Variants in SLC9C1 observed in about 807,000 individuals in gnomAD.
SLC9C1 encodes solute carrier family 9 member C1, also known as sodium/hydrogen exchanger 10.
A neutral mutation model predicts 140.9 loss-of-function variants in SLC9C1; 97 were observed. The ratio of observed to expected loss-of-function variants is 0.69; its 90% CI spans 0.58 to 0.82. The LOEUF (loss-of-function observed/expected upper bound fraction) is 0.82, where lower values mean the gene tolerates loss of function less well. Ranked by LOEUF, SLC9C1 falls within the 40% of genes least tolerant of loss-of-function variation. The probability of loss-of-function intolerance (pLI) is 0.00; values close to 1 mark genes in which losing one functional copy is unlikely to be tolerated. For missense variants in SLC9C1, 1,340 were observed against 1,389.3 expected (o/e 0.96, Z 0.56); for synonymous variants, 440 against 442.6 (o/e 0.99, Z 0.07).
rs2080254282 is a variant in SLC9C1, at chr3:112,277,741, A to G, written c.438T>C (p.Leu146=). ...CGGTTAGCATGGGATCTGAACTCAC[A>G]AGGATAGCTGAAAATAATAACCATT... ...PTQWLLFSAI[L]VSSDPMLTAA... is the part of the protein sequence containing the mutation. Residue 146 remains leucine (L), a synonymous_variant, in exon 5 of 29, where the codon CTT becomes CTC. Coordinates refer to ENST00000305815, the MANE Select transcript of SLC9C1 (RefSeq NM_183061.3). 1 of 1,611,108 alleles carries G rather than the reference A, an allele frequency of 6.2e-7. No homozygotes were observed. The highest frequency in any genetic ancestry group is 1.7e-5 in the Admixed American group (1 of 59,656).
chr3:112,277,885 A>C, intron 4 of SLC9C1, 25 bp from the exon 5 acceptor site: 1 of 1,560,446 alleles, frequency 6.4e-7, no homozygotes, highest in East Asian at 2.3e-5. Context: ...TACAATTAGA[A>C]AAATCAGACT....
Position 112,216,223 on chromosome 3 carries a change from T to G in SLC9C1, c.1790+1219A>C, listed in dbSNP as rs146633467. On this transcript the variant is annotated intron_variant, in intron 15 of 28. Coordinates refer to ENST00000305815, the MANE Select transcript of SLC9C1 (RefSeq NM_183061.3). The stretch of plus-strand genomic sequence containing the variant: ...AATCAATTCAAGATGGATTAAAGAC[T>G]TAAATGTTAGACCTAAAACCATAAA... Among the ~76,000 whole-genome samples, 1,165 of 152,310 alleles carry G rather than the reference T, an allele frequency of 7.6e-3. 8 individuals carry two copies. Among genetic ancestry groups the G allele is most frequent in the Middle Eastern group, 0.051 (15 of 294 alleles).
At position 112,277,787 on chromosome 3, in the gene SLC9C1, T is replaced by G. The variant is rs780490122; in HGVS notation, c.392A>C (p.Gln131Pro). The change falls in exon 5 of 29, where the codon CAA (glutamine) becomes CCA (proline). Residue 131 changes from glutamine (Q) to proline (P), a missense_variant. Physicochemically the swap from Gln to Pro is moderately conservative, Grantham distance 76 (BLOSUM62 -1). Coordinates refer to ENST00000305815, the MANE Select transcript of SLC9C1 (RefSeq NM_183061.3). ...LVLWHLASVN[Q>P]LLLKPTQWLL... Reference sequence around the variant, plus strand: ...CCATTGGGTAGGCTTCAAAAGTAATTGATTTACAGATGCCAGATGCCAAAG... The same window carrying G: ...CCATTGGGTAGGCTTCAAAAGTAATGGATTTACAGATGCCAGATGCCAAAG... 1 of 1,612,600 alleles carries G rather than the reference T, an allele frequency of 6.2e-7. No individual in the cohort carries two copies. The highest frequency in any genetic ancestry group is 8.5e-7 in the Non-Finnish European group (1 of 1,179,198).
chr3:112,191,134 A>T (rs1260479551), intron 20 of SLC9C1, among the ~76,000 whole-genome samples: 1 of 152,136 alleles, frequency 6.6e-6, no homozygotes, highest in Non-Finnish European at 1.5e-5. Context: ...TCTATATGAG[A>T]TCATGTCATC....
At chr3:112,266,203 G>T in intron 8 of SLC9C1, 35 bp downstream of exon 8, 1 of 1,383,046 alleles carries the variant, frequency 7.2e-7, no homozygotes, top group Non-Finnish European at 1.0e-6. Flanking sequence ...AGCTTCCAGT[G>T]TATGAAATAA....
intron 19 of SLC9C1, among the ~76,000 whole-genome samples, chr3:112,199,915 T>C (rs1041302399): frequency 6.6e-6 from 1 of 152,060 alleles, no homozygotes; most frequent in Non-Finnish European, 1.5e-5. Context: ...AACCTGCCAG[T>C]GCATCTAGAT....
chr3:112,209,393 C>G (rs751550487), intron 15 of SLC9C1, among the ~76,000 whole-genome samples: 4 of 152,114 alleles, frequency 2.6e-5, no homozygotes, highest in Non-Finnish European at 5.9e-5. Flanking sequence ...CTTCCAGCAG[C>G]AAAACCATGT....
At chr3:112,198,938 T>C (rs1410417576) in intron 20 of SLC9C1, among the ~76,000 whole-genome samples, 1 of 151,888 alleles carries the variant, frequency 6.6e-6, no homozygotes, top group Non-Finnish European at 1.5e-5. Flanking sequence ...AAAGGAAATA[T>C]AGTCAACACT....
rs138753679 is a variant in SLC9C1, at chr3:112,204,975, T to C, written c.1987-572A>G. Among the ~76,000 whole-genome samples, 42 of 152,216 alleles carry C rather than the reference T, an allele frequency of 2.8e-4. 1 individual carries two copies. The East Asian group carries it at 7.9e-3, about 29-fold the overall frequency. On this transcript the variant is annotated intron_variant, in intron 16 of 28. Coordinates refer to ENST00000305815, the MANE Select transcript of SLC9C1 (RefSeq NM_183061.3). ...CATTCTGGGATAACGCAGAATAAGT[T>C]ATTTTTAATTTCTCAAAAAAATTCG...
intron 1 of SLC9C1, among the ~76,000 whole-genome samples, chr3:112,292,988 ACTGAGCACAGTGG>A (rs111340221): frequency 0.29 from 43,076 of 150,650 alleles, 6,403 homozygotes; most frequent in East Asian, 0.43. Context: ...AAGTTAGTTG[ACTGAGCACAGTGG>A]CTCACGCCTG....
Position 112,221,131 on chromosome 3 carries a change from C to T in SLC9C1, c.1667G>A (p.Gly556Glu), listed in dbSNP as rs539696882. ...CATCTCTTGAGAATATACTTACTTT[C>T]CCTTCTTCTCACCAAAACTTTCTGC... ...GAAESFGEKK[G>E]KCMSLDTIKN... Residue 556 changes from glycine (G) to glutamate (E), a missense_variant, in exon 14 of 29, where the codon GGA becomes GAA. Gly to Glu is a moderately conservative substitution (Grantham distance 98). Transcript: ENST00000305815. 3.7e-6 allele frequency: 6 copies of T among 1,612,404 alleles called. No individual in the cohort carries two copies. In the African/African-American group the frequency reaches 8.0e-5, roughly 22 times the overall value.
chr3:112,222,543 T>C (rs549703286), intron 13 of SLC9C1, among the ~76,000 whole-genome samples: 2 of 152,172 alleles, frequency 1.3e-5, no homozygotes, highest in South Asian at 2.1e-4. Context: ...GCAGAAAACA[T>C]AGAATATCAC....
At chr3:112,193,584 A>G (rs921443060) in intron 20 of SLC9C1, among the ~76,000 whole-genome samples, 2 of 151,980 alleles carry the variant, frequency 1.3e-5, no homozygotes, top group South Asian at 2.1e-4. Flanking sequence ...GGGGTAGCCC[A>G]TGGGGTTGTG....
At chr3:112,206,591 C>T (rs926322388) in intron 16 of SLC9C1, among the ~76,000 whole-genome samples, 2 of 152,108 alleles carry the variant, frequency 1.3e-5, no homozygotes, top group Non-Finnish European at 2.9e-5. Flanking sequence ...TTGGAACCAA[C>T]CCAAATGTCC....
rs772568670 is a variant in SLC9C1, at chr3:112,151,974, A to G, written c.3418-11T>C. 6.4e-7 allele frequency: 1 copy of G among 1,571,008 alleles called. No homozygotes were observed. Among genetic ancestry groups the G allele is most frequent in the African/African-American group, 1.4e-5 (1 of 71,900 alleles). ...ACTGTGTGCTCCATCCTGGGATTCA[A>G]AACACTTTGTTACTTGATGTCATGA... is the stretch of plus-strand genomic sequence containing the variant. On this transcript the variant is annotated splice_polypyrimidine_tract_variant and intron_variant, in intron 27 of 28. Transcript: ENST00000305815.
intron 1 of SLC9C1, among the ~76,000 whole-genome samples, chr3:112,287,998 G>C (rs1302332003): frequency 3.7e-5 from 5 of 136,756 alleles, no homozygotes; most frequent in South Asian, 2.4e-4. Context: ...AGCCGAGATC[G>C]TGCCACTGCA....
At chr3:112,188,290 G>A (rs2077578314) in intron 20 of SLC9C1, among the ~76,000 whole-genome samples, 2 of 151,996 alleles carry the variant, frequency 1.3e-5, no homozygotes, top group Non-Finnish European at 2.9e-5. Flanking sequence ...CAACGTGCAG[G>A]TTTGTTACAT....
chr3:112,262,786 C>T, intron 10 of SLC9C1, 138 bp downstream of exon 10: 1 of 668,904 alleles, frequency 1.5e-6, no homozygotes, highest in South Asian at 5.5e-5. Flanking sequence ...TCCTCCTCTC[C>T]CCGATCTTGC....
chr3:112,236,571 T>C (rs1237629889), intron 12 of SLC9C1, among the ~76,000 whole-genome samples: 2 of 142,048 alleles, frequency 1.4e-5, no homozygotes, highest in African/African-American at 5.3e-5. Context: ...AGGGTGTCAA[T>C]TTTAGATCTT....
Sources: gnomAD v4.1 joint callset for allele counts (sites outside exome capture counted in the v4.1 genomes callset) on GRCh38, gnomAD v4.1.1 for gene constraint, MANE v1.5 for transcripts, NCBI Gene and HGNC (gene_info 2026-07-23, HGNC 2026-07-21) for gene names.